PYHIN1: variants seen among roughly 807,000 people sequenced by gnomAD.
PYHIN1 encodes pyrin and HIN domain family member 1, also known as pyrin and HIN domain-containing protein 1.
In PYHIN1, 32 loss-of-function variants were observed where a neutral mutation model predicts 43.7. The observed-to-expected ratio is 0.73, with a 90% CI of 0.55 to 0.98. PYHIN1 has a LOEUF of 0.98. Ranked by LOEUF, PYHIN1 falls within the 50% of genes least tolerant of loss-of-function variation. PYHIN1 has a pLI of 0.00. For synonymous variants in PYHIN1, 205 were observed against 203.1 expected, an observed-to-expected ratio of 1.01 and a Z score of -0.08; for missense variants, 588 against 589.5, an observed-to-expected ratio of 1.00 and a Z score of 0.03.
chr1:158,959,885 T>C (rs759269495), intron 7 of PYHIN1, among the ~76,000 whole-genome samples: 4 of 152,186 alleles, frequency 2.6e-5, no homozygotes, highest in Non-Finnish European at 5.9e-5. Context: ...TATTCCAGAT[T>C]ACCTTTTCCT....
chr1:158,955,652 A>G (rs1649871232), intron 7 of PYHIN1, among the ~76,000 whole-genome samples: 1 of 115,792 alleles, frequency 8.6e-6, no homozygotes, highest in South Asian at 3.3e-4. Flanking sequence ...AGAAAGCAGG[A>G]AAGATCCAAA....
intron 1 of PYHIN1, among the ~76,000 whole-genome samples, chr1:158,934,145 A>G (rs1437753564): frequency 6.6e-6 from 1 of 152,196 alleles, no homozygotes; most frequent in East Asian, 1.9e-4. Context: ...GAGGTTTATA[A>G]AGATTACTTA....
At chr1:158,942,447 A>C in intron 5 of PYHIN1, 48 bp downstream of exon 5, 1 of 1,440,664 alleles carries the variant, frequency 6.9e-7, no homozygotes. Flanking sequence ...TAACACTTGA[A>C]ATTAAAAGCC....
Position 158,945,839 on chromosome 1 carries a change from TC to T in PYHIN1, c.1359+799del, listed in dbSNP as rs1249732983. ...CTAGGTGTTTGGTCTTACATGTTGT[TC>T]CTGATGTACATTATCTCATTCCTTC... is the stretch of plus-strand genomic sequence containing the variant. On this transcript the variant is annotated intron_variant, in intron 7 of 8. Coordinates refer to ENST00000368140, the MANE Select transcript of PYHIN1 (RefSeq NM_152501.5). Among the ~76,000 whole-genome samples, 5 of 152,310 alleles carry T rather than the reference TC, an allele frequency of 3.3e-5. No individual in the cohort carries two copies. The East Asian group carries it at 9.6e-4, about 29-fold the overall frequency.
the PYHIN1 span, among the ~76,000 whole-genome samples, chr1:158,987,500 C>A: frequency 6.6e-5 from 10 of 152,178 alleles, no homozygotes; most frequent in Non-Finnish European, 1.5e-4. Flanking sequence ...GTTGTCTTCT[C>A]ATATTCTTGA....
In PYHIN1 at chr1:158,942,076, A is replaced by G; in HGVS notation, c.679A>G (p.Lys227Glu). Residue 227 changes from lysine to glutamate, a missense_variant, in exon 5 of 9, where the codon AAA becomes GAA. Transcript: ENST00000368140. ...GGTACTAAATGCAACAAAAGTATTTAAATATGAATCCTCAGAAAATGAGCA... is the reference window on the plus strand; with the variant it reads ...GGTACTAAATGCAACAAAAGTATTTGAATATGAATCCTCAGAAAATGAGCA... The part of the protein sequence containing the change: ...AMVLNATKVF[K>E]YESSENEQRR... The G allele has an allele frequency of 6.2e-7, 1 of 1,614,168 alleles. No homozygotes were observed. The highest frequency in any genetic ancestry group is 8.5e-7 in the Non-Finnish European group (1 of 1,180,006).
chr1:158,937,442 C>T (rs1259518048), intron 2 of PYHIN1, among the ~76,000 whole-genome samples: 3 of 151,996 alleles, frequency 2.0e-5, no homozygotes, highest in East Asian at 3.8e-4. Context: ...CTAGTACATT[C>T]GAAAGATTAC....
chr1:158,970,240 T>A (rs1650859069), intron 7 of PYHIN1, among the ~76,000 whole-genome samples: 1 of 152,034 alleles, frequency 6.6e-6, no homozygotes, highest in Non-Finnish European at 1.5e-5. Context: ...ATCTTAGGCA[T>A]CCAAATTCTG....
At chr1:158,945,149 T>G (rs934170204) in intron 7 of PYHIN1, 107 bp downstream of exon 7, 3 of 1,138,328 alleles carry the variant, frequency 2.6e-6, no homozygotes, top group Non-Finnish European at 3.7e-6. Context: ...GTACAATCTC[T>G]AGATAAAATT....
chr1:158,980,544 G>A (rs1009498767), downstream of PYHIN1, among the ~76,000 whole-genome samples: 2 of 151,966 alleles, frequency 1.3e-5, no homozygotes, highest in African/African-American at 4.8e-5. Flanking sequence ...ATCTATAAAT[G>A]GCTGCTCTGG....
downstream of PYHIN1, among the ~76,000 whole-genome samples, chr1:158,978,919 A>G (rs910199539): frequency 6.6e-6 from 1 of 152,156 alleles, no homozygotes; most frequent in Non-Finnish European, 1.5e-5. Context: ...CCTAACTTTG[A>G]AATGTGTGAA....
chr1:158,937,772 C>T lies in PYHIN1; in HGVS notation c.265+597C>T, dbSNP rs191372640. Among the ~76,000 whole-genome samples, 180 of 152,038 alleles carry T rather than the reference C, an allele frequency of 1.2e-3. 2 individuals carry two copies. The highest frequency in any genetic ancestry group is 2.3e-3 in the Non-Finnish European group (159 of 67,972). On this transcript the variant is annotated intron_variant, in intron 2 of 8. Coordinates refer to ENST00000368140, the MANE Select transcript of PYHIN1 (RefSeq NM_152501.5). ...CCATCCTGGCTAACAAGGTGAAACCCGTCTCTACTAAAAAATACAAAAAAT... is the reference window on the plus strand; with the variant it reads ...CCATCCTGGCTAACAAGGTGAAACCTGTCTCTACTAAAAAATACAAAAAAT...
At chr1:158,983,196 G>A in the PYHIN1 span, among the ~76,000 whole-genome samples, 1 of 152,032 alleles carries the variant, frequency 6.6e-6, no homozygotes, top group Non-Finnish European at 1.5e-5. Flanking sequence ...CAGGAGTAGT[G>A]AGAGTAGGCA....
chr1:158,934,635 A>C (rs1432877035), intron 1 of PYHIN1, among the ~76,000 whole-genome samples: 1 of 152,234 alleles, frequency 6.6e-6, no homozygotes, highest in Non-Finnish European at 1.5e-5. Flanking sequence ...TCTCAAGAAG[A>C]AAGCAATTAA....
At chr1:158,979,759 C>T (rs1651424014), downstream of PYHIN1, among the ~76,000 whole-genome samples, 1 of 152,068 alleles carries the variant, frequency 6.6e-6, no homozygotes, top group Non-Finnish European at 1.5e-5. Context: ...GATTTAGGGG[C>T]TACATGTGCA....
At chr1:158,945,704 G>A (rs758713603) in intron 7 of PYHIN1, among the ~76,000 whole-genome samples, 7 of 152,162 alleles carry the variant, frequency 4.6e-5, no homozygotes, top group Non-Finnish European at 8.8e-5. Context: ...TTGATCTGGG[G>A]TTTCCCTTAA....
At chr1:158,985,025 T>C in the PYHIN1 span, among the ~76,000 whole-genome samples, 1 of 152,134 alleles carries the variant, frequency 6.6e-6, no homozygotes. Flanking sequence ...TATTCCTCCA[T>C]CCATTTAATT....
At chr1:158,952,933 C>T (rs1649651447) in intron 7 of PYHIN1, among the ~76,000 whole-genome samples, 1 of 152,184 alleles carries the variant, frequency 6.6e-6, no homozygotes, top group Admixed American at 6.5e-5. Context: ...GAGGCATTGC[C>T]TCACTTGGGA....
At chr1:158,966,115 A>G (rs1650617793) in intron 7 of PYHIN1, among the ~76,000 whole-genome samples, 1 of 152,214 alleles carries the variant, frequency 6.6e-6, no homozygotes, top group African/African-American at 2.4e-5. Context: ...CACACAAGCT[A>G]TAAAACCTAG....
Sources: gnomAD v4.1 joint callset for allele counts (sites outside exome capture counted in the v4.1 genomes callset) on GRCh38, gnomAD v4.1.1 for gene constraint, MANE v1.5 for transcripts, NCBI Gene and HGNC (gene_info 2026-07-23, HGNC 2026-07-21) for gene names.